The following AFF2 variants were observed in gnomAD, a reference collection of about 807,000 sequenced individuals.
The protein encoded by AFF2 is ALF transcription elongation factor 2.
A neutral mutation model predicts 76.9 loss-of-function variants in AFF2; 14 were observed. That is an observed-to-expected ratio of 0.18 (90% CI 0.12 to 0.28). The LOEUF is 0.28. Among genes scored for constraint, AFF2 ranks in the 10% least tolerant of loss-of-function variants. The pLI, the probability that AFF2 is intolerant of heterozygous loss-of-function variation, is 1.00. For missense variants in AFF2, 868 were observed against 1,001.1 expected (o/e 0.87, Z 1.79); for synonymous variants, 398 against 366.7 (o/e 1.09, Z -0.98).
At chrX:148,985,972 C>A (rs782782531) in intron 19 of AFF2, among the ~76,000 whole-genome samples, 12 of 110,150 alleles carry the variant, frequency 1.1e-4, no homozygotes, top group Admixed American at 5.8e-4. Context: ...ATCTAGTCAG[C>A]AGCATTTCAG....
intron 1 of AFF2, among the ~76,000 whole-genome samples, chrX:148,538,706 G>A (rs1031542971): frequency 1.8e-5 from 2 of 112,065 alleles, no homozygotes; most frequent in East Asian, 5.6e-4. Flanking sequence ...TGCTTTGCAT[G>A]TCTTGTCTTA....
At chrX:148,722,249 C>G (rs1031038280) in intron 3 of AFF2, among the ~76,000 whole-genome samples, 1 of 111,280 alleles carries the variant, frequency 9.0e-6, no homozygotes. Flanking sequence ...CAAAAACCCA[C>G]AAGATTTTGT....
chrX:148,943,996 G>C (rs1246335717), intron 9 of AFF2, among the ~76,000 whole-genome samples: 2 of 112,217 alleles, frequency 1.8e-5, no homozygotes, highest in Non-Finnish European at 3.8e-5. Flanking sequence ...GATTGGAAGA[G>C]CAATGCCCAC....
intron 3 of AFF2, among the ~76,000 whole-genome samples, chrX:148,783,640 A>C (rs1557269256): frequency 8.9e-6 from 1 of 111,852 alleles, no homozygotes. Context: ...AGCTCATTCT[A>C]GAACTTAATA....
At chrX:148,950,626 G>T (rs1043225750) in intron 9 of AFF2, among the ~76,000 whole-genome samples, 2 of 111,714 alleles carry the variant, frequency 1.8e-5, no homozygotes, top group Admixed American at 1.9e-4. Context: ...TCCTCTAAGT[G>T]TTCATTGTCA....
chrX:148,544,174 A>C (rs782738036), intron 1 of AFF2, among the ~76,000 whole-genome samples: 1 of 112,141 alleles, frequency 8.9e-6, no homozygotes, highest in African/African-American at 3.2e-5. Context: ...CTTGTGTTTT[A>C]TTTCATAGCC....
chrX:148,724,586 A>G (rs1351031220), intron 3 of AFF2, among the ~76,000 whole-genome samples: 2 of 112,367 alleles, frequency 1.8e-5, no homozygotes, highest in African/African-American at 3.2e-5. Context: ...GAGAGATATT[A>G]CTATCCCATT....
At position 148,967,013 on chromosome X, in the gene AFF2, C is replaced by T. The variant is rs782193038; in HGVS notation, c.3137C>T (p.Ala1046Val). 5.0e-6 allele frequency: 6 copies of T among 1,211,529 alleles called. No homozygotes were observed. The highest frequency in any genetic ancestry group is 3.5e-5 in the African/African-American group (2 of 57,667). Residue 1046 changes from alanine to valine, a missense_variant, in exon 14 of 21, where the codon GCG (alanine) becomes GTG (valine). Ala to Val is a moderately conservative substitution (Grantham distance 64, BLOSUM62 0). This residue lies in a region of AFF2 where 57 missense variants were observed against 117.8 expected (regional missense o/e 0.48). Coordinates refer to ENST00000370460, the MANE Select transcript of AFF2 (RefSeq NM_002025.4). ...DSSHLEMTSW[A>V]ALPLLSSSST... ...AGTCACCTGGAGATGACGTCCTGGG[C>T]GGCTCTGCCCCTTCTATCCAGCAGC...
At position 148,966,916 on chromosome X, in the gene AFF2, GCCA is replaced by G. The variant is rs781792151; in HGVS notation, c.3048_3050del (p.Thr1022del). ...TGTCACAGCTACTGCCACCGCCACG[GCCA>G]CCACCACAACTACTACCACTACCAT... is the stretch of plus-strand genomic sequence containing the variant. On this transcript the variant is annotated inframe_deletion, in exon 14 of 21. Coordinates refer to ENST00000370460, the MANE Select transcript of AFF2 (RefSeq NM_002025.4). 20 of 1,208,540 alleles carry G rather than the reference GCCA, an allele frequency of 1.7e-5. No homozygotes were observed. Among genetic ancestry groups the G allele is most frequent in the Middle Eastern group, 4.6e-4 (2 of 4,371 alleles).
chrX:148,819,320 G>A (rs1219539056), intron 4 of AFF2, among the ~76,000 whole-genome samples: 7 of 111,308 alleles, frequency 6.3e-5, no homozygotes, highest in Non-Finnish European at 1.3e-4. Context: ...GGATCGCAGA[G>A]TCATATGCTT....
At chrX:148,776,930 C>T (rs1394425912) in intron 3 of AFF2, among the ~76,000 whole-genome samples, 1 of 111,965 alleles carries the variant, frequency 8.9e-6, no homozygotes, top group Non-Finnish European at 1.9e-5. Context: ...AGTCTTTGCC[C>T]ATGCCTCTGT....
intron 8 of AFF2, among the ~76,000 whole-genome samples, chrX:148,903,515 T>TGGAC (rs1256121132): frequency 4.5e-5 from 5 of 112,046 alleles, no homozygotes; most frequent in African/African-American, 1.6e-4. Context: ...GAATGATAAA[T>TGGAC]GGACTGTACA....
intron 1 of AFF2, among the ~76,000 whole-genome samples, chrX:148,607,919 T>C (rs1213361115): frequency 3.6e-5 from 4 of 112,069 alleles, no homozygotes; most frequent in Admixed American, 9.5e-5. Context: ...CTATTTGCCA[T>C]GTGCAGCTTT....
intron 1 of AFF2, among the ~76,000 whole-genome samples, chrX:148,641,149 A>G (rs2054084972): frequency 9.0e-6 from 1 of 111,243 alleles, no homozygotes; most frequent in Non-Finnish European, 1.9e-5. Flanking sequence ...AGCACTAAAC[A>G]TGGTACCTGG....
chrX:148,978,242 T>G, intron 17 of AFF2, 120 bp from the exon 18 acceptor site: 1 of 553,491 alleles, frequency 1.8e-6, no homozygotes, highest in Non-Finnish European at 3.0e-6. Context: ...TTTATTTACT[T>G]ATGTTTCTCA....
chrX:148,538,979 T>C (rs1398785091), intron 1 of AFF2, among the ~76,000 whole-genome samples: 2 of 112,146 alleles, frequency 1.8e-5, no homozygotes, highest in Non-Finnish European at 3.8e-5. Context: ...TGTTCCTTGC[T>C]GATCCTTCTT....
intron 1 of AFF2, among the ~76,000 whole-genome samples, chrX:148,616,511 A>G (rs73618389): frequency 0.25 from 27,658 of 110,603 alleles, 2,918 homozygotes; most frequent in African/African-American, 0.41. Context: ...AAGTTGGTAT[A>G]CAATAACCAA....
rs1557292962 is a variant in AFF2 at position 148,995,489 on chromosome X, G to GGT, written c.*4157_*4158insGT. ...GGGCAGAAAGGGGGTGGGGGTGGGG[G>GGT]CGGGGGGGTGGGGGGTGGGGAAGCC... On this transcript the variant is annotated 3_prime_UTR_variant, in exon 21 of 21. Transcript: ENST00000370460. 2 of 90,842 alleles carry GGT rather than the reference G, an allele frequency of 2.2e-5. No homozygotes were observed. The highest frequency in any genetic ancestry group is 8.7e-5 in the African/African-American group (2 of 22,925). The allele number at this position is 90,842 out of a possible 1,213,427, so 7.5% of individuals were successfully genotyped here.
rs2072579691 is a variant in AFF2 at position 148,995,106 on chromosome X, G to GT, written c.*3776dup. The GT allele has an allele frequency of 8.9e-6, 1 of 112,066 alleles. No individual in the cohort carries two copies. Among genetic ancestry groups the GT allele is most frequent in the Admixed American group, 9.5e-5 (1 of 10,516 alleles). The allele number at this position is 112,066 out of a possible 1,213,427, so 9.2% of individuals were successfully genotyped here. A position where few individuals can be genotyped will look rare whatever the true frequency, so the allele number is the denominator to read the frequency against. On this transcript the variant is annotated 3_prime_UTR_variant, in exon 21 of 21. Coordinates refer to ENST00000370460, the MANE Select transcript of AFF2 (RefSeq NM_002025.4). ...TTATTGAGCCAGTTGTCAGTGTTCTGTTACATGACTGGCAGACTAAATTCT... is the reference window on the plus strand; with the variant it reads ...TTATTGAGCCAGTTGTCAGTGTTCTGTTTACATGACTGGCAGACTAAATTCT...
Sources: allele counts gnomAD v4.1 joint callset (sites outside exome capture counted in the v4.1 genomes callset), GRCh38; gene constraint gnomAD v4.1.1; regional missense constraint gnomAD v4.1.1; transcripts MANE v1.5; gene names NCBI Gene and HGNC (gene_info 2026-07-23, HGNC 2026-07-21).